TOGARAM1: variants seen among roughly 807,000 people sequenced by gnomAD.
TOGARAM1 encodes TOG array regulator of axonemal microtubules 1.
In TOGARAM1, 100 loss-of-function variants were observed where a neutral mutation model predicts 166.6. That is an observed-to-expected ratio of 0.60 (90% confidence interval 0.51 to 0.71). The LOEUF is 0.71. Ranked by LOEUF, TOGARAM1 falls within the 30% of genes least tolerant of loss-of-function variation. TOGARAM1 has a pLI of 0.00. For missense variants in TOGARAM1, 2,029 were observed against 2,102.7 expected, an observed-to-expected ratio of 0.96 and a Z score of 0.69; for synonymous variants, 758 against 763.8, an observed-to-expected ratio of 0.99 and a Z score of 0.13.
intron 13 of TOGARAM1, among the ~76,000 whole-genome samples, chr14:45,045,733 A>C (rs1166121883): frequency 7.4e-6 from 1 of 136,038 alleles, no homozygotes; most frequent in Non-Finnish European, 1.5e-5. Context: ...ATACACATAT[A>C]TATACACATA....
chr14:45,001,878 G>A (rs929871929), intron 3 of TOGARAM1, among the ~76,000 whole-genome samples: 1 of 152,114 alleles, frequency 6.6e-6, no homozygotes, highest in Non-Finnish European at 1.5e-5. Context: ...ATTGGAGACC[G>A]GTTATCAGTC....
intron 6 of TOGARAM1, among the ~76,000 whole-genome samples, chr14:45,011,489 T>G (rs1275327170): frequency 1.3e-5 from 2 of 152,034 alleles, no homozygotes; most frequent in Non-Finnish European, 2.9e-5. Context: ...ATTTTTTAGT[T>G]TTTTTGTAGA....
intron 11 of TOGARAM1, among the ~76,000 whole-genome samples, chr14:45,037,724 T>G (rs1285955464): frequency 6.6e-6 from 1 of 151,982 alleles, no homozygotes; most frequent in East Asian, 1.9e-4. Context: ...ATAGAACAAG[T>G]TGAAAGAAAA....
intron 16 of TOGARAM1, among the ~76,000 whole-genome samples, chr14:45,055,108 G>C (rs1882567506): frequency 1.3e-5 from 2 of 152,024 alleles, no homozygotes; most frequent in Admixed American, 1.3e-4. Flanking sequence ...GTGATTTTGA[G>C]GTCTTAGTCT....
rs1887002994 is a variant in TOGARAM1, at chr14:44,989,149, A to C, written c.2047-6597A>C. 2.0e-5 allele frequency among the ~76,000 whole-genome samples: 3 copies of C among 152,156 alleles called. 1 individual carries two copies. The highest frequency in any genetic ancestry group is 1.9e-4 in the East Asian group (1 of 5,194). On this transcript the variant is annotated intron_variant, in intron 1 of 19. Transcript: ENST00000361462. ...GTAATTCCCAAAAATTTGATAAGAC[A>C]CTTTTTTTCGATGTCCATATCTTAT... is the stretch of plus-strand genomic sequence containing the variant.
chr14:45,033,343 C>G (rs144162086), intron 11 of TOGARAM1, among the ~76,000 whole-genome samples: 55 of 151,952 alleles, frequency 3.6e-4, no homozygotes, highest in Admixed American at 2.6e-3. Flanking sequence ...GGCAGTCTTT[C>G]TGGCAATCTT....
intron 18 of TOGARAM1, among the ~76,000 whole-genome samples, chr14:45,069,772 TA>T (rs1380648377): frequency 6.6e-6 from 1 of 152,190 alleles, no homozygotes; most frequent in Non-Finnish European, 1.5e-5. Context: ...GGTGAGAATG[TA>T]AATAAAATGG....
At chr14:45,042,296 T>A (rs921555870) in intron 11 of TOGARAM1, 1 of 152,102 alleles carries the variant, frequency 6.6e-6, no homozygotes, top group Admixed American at 6.6e-5. Flanking sequence ...CTTTGGTAGC[T>A]CTCTGGAACA....
At chr14:44,991,521 GT>G (rs1238712748) in intron 1 of TOGARAM1, among the ~76,000 whole-genome samples, 1 of 152,084 alleles carries the variant, frequency 6.6e-6, no homozygotes, top group Non-Finnish European at 1.5e-5. Flanking sequence ...CAATAGTTCC[GT>G]TTTTAGGACT....
At chr14:45,062,228 C>T (rs544912987) in intron 16 of TOGARAM1, among the ~76,000 whole-genome samples, 1 of 152,030 alleles carries the variant, frequency 6.6e-6, no homozygotes, top group East Asian at 1.9e-4. Context: ...TATTGACATC[C>T]CCAATGTATT....
chr14:44,966,925 T>C (rs1159356893), intron 1 of TOGARAM1, among the ~76,000 whole-genome samples: 1 of 148,308 alleles, frequency 6.7e-6, no homozygotes, highest in Non-Finnish European at 1.5e-5. Context: ...GCCACTGCAC[T>C]CCAGCCTGCT....
At chr14:44,995,663 T>A (rs1336401151) in intron 1 of TOGARAM1, 83 bp from the exon 2 acceptor site, 1 of 947,280 alleles carries the variant, frequency 1.1e-6, no homozygotes, top group Non-Finnish European at 1.6e-6. Flanking sequence ...CTGAATTTCA[T>A]AATTGGATCT....
chr14:44,962,509 G>GC lies in TOGARAM1; in HGVS notation c.92dup (p.Glu32ArgfsTer4), dbSNP rs775435333. ...GCTCCAGAGCCGCAGTCGTCCTTCC[G>GC]CCCCAGAGACCGATGATAGTCGAGT... On this transcript the variant is annotated frameshift_variant, in exon 1 of 20. Coordinates refer to ENST00000361462, the MANE Select transcript of TOGARAM1 (RefSeq NM_001308120.2). LOFTEE classifies it high-confidence loss of function. 12 of 1,612,850 alleles carry GC rather than the reference G, an allele frequency of 7.4e-6. No individual in the cohort carries two copies. The highest frequency in any genetic ancestry group is 1.0e-5 in the Non-Finnish European group (12 of 1,179,762).
In TOGARAM1 at chr14:44,963,289, G is replaced by A; in HGVS notation, c.868G>A (p.Asp290Asn). Residue 290 changes from aspartate to asparagine, a missense_variant, in exon 1 of 20, where the codon GAC becomes AAC. Asp to Asn is a conservative substitution (Grantham distance 23). Transcript: ENST00000361462. Reference sequence around the variant, plus strand: ...ACAAATTGGGGAGCGACTTGGCCAAGACAGGTTTCAATCTTACATTTCTCG... The same window carrying A: ...ACAAATTGGGGAGCGACTTGGCCAAAACAGGTTTCAATCTTACATTTCTCG... ...LQQIGERLGQDRFQSYISRLP... is the reference protein window; with the variant it reads ...LQQIGERLGQNRFQSYISRLP... 6.2e-7 allele frequency: 1 copy of A among 1,614,206 alleles called. No individual in the cohort carries two copies. The highest frequency in any genetic ancestry group is 8.5e-7 in the Non-Finnish European group (1 of 1,180,038).
chr14:45,008,264 A>G (rs1381656277), intron 5 of TOGARAM1: 1 of 146,768 alleles, frequency 6.8e-6, no homozygotes. Context: ...TTTGAAACAG[A>G]GTCTCGCTGT....
chr14:45,047,482 A>C (rs1272440373), intron 14 of TOGARAM1, among the ~76,000 whole-genome samples: 2 of 152,094 alleles, frequency 1.3e-5, no homozygotes, highest in Admixed American at 1.3e-4. Context: ...TGAAAACTAC[A>C]CAAATTTCTG....
At position 45,068,721 on chromosome 14, in the gene TOGARAM1, T is replaced by C. The variant is rs995192271; in HGVS notation, c.4969+78T>C. Reference sequence around the variant, plus strand: ...TCTGATTCCATCCATACTTTTTTTGTAATGCTGAAATCCTAGTTATTCAGT... The same window carrying C: ...TCTGATTCCATCCATACTTTTTTTGCAATGCTGAAATCCTAGTTATTCAGT... On this transcript the variant is annotated intron_variant, in intron 18 of 19. Coordinates refer to ENST00000361462, the MANE Select transcript of TOGARAM1 (RefSeq NM_001308120.2). The C allele has an allele frequency of 5.7e-5, 61 of 1,078,460 alleles. No homozygotes were observed. In the Middle Eastern group the frequency reaches 6.3e-4, roughly 11 times the overall value. 66.8% of individuals were successfully genotyped at this position (1,078,460 alleles called of 1,614,324 possible). A position where few individuals can be genotyped will look rare whatever the true frequency, so the allele number is the denominator to read the frequency against.
At chr14:45,057,531 A>G (rs1015219237) in intron 16 of TOGARAM1, among the ~76,000 whole-genome samples, 3 of 152,152 alleles carry the variant, frequency 2.0e-5, no homozygotes, top group Non-Finnish European at 1.5e-5. Context: ...GGCTCAAGCA[A>G]TCCTCCTGCC....
chr14:45,031,049 T>C lies in TOGARAM1; in HGVS notation c.3659-1174T>C, dbSNP rs561307141. 9.2e-5 allele frequency among the ~76,000 whole-genome samples: 14 copies of C among 152,302 alleles called. No homozygotes were observed. In the South Asian group the frequency reaches 2.9e-3, roughly 32 times the overall value. On this transcript the variant is annotated intron_variant, in intron 10 of 19. Coordinates refer to ENST00000361462, the MANE Select transcript of TOGARAM1 (RefSeq NM_001308120.2). ...CATTAACACCTTGTTGCCTTTGGAT[T>C]TTAAATGACCAACTCTGAATATGTA...
Sources: gnomAD v4.1 joint callset for allele counts (sites outside exome capture counted in the v4.1 genomes callset) on GRCh38, gnomAD v4.1.1 for gene constraint, MANE v1.5 for transcripts, NCBI Gene and HGNC (gene_info 2026-07-23, HGNC 2026-07-21) for gene names.